MLF1: variants seen among roughly 807,000 people sequenced by gnomAD.
The protein encoded by MLF1 is myelodysplasia-myeloid leukemia factor 1.
MLF1 carries 37 observed loss-of-function variants against 38.3 expected under a neutral mutation model. The ratio of observed to expected loss-of-function variants is 0.96; its 90% CI spans 0.74 to 1.27. MLF1 has a LOEUF of 1.27. Ranked by LOEUF, MLF1 falls within the 50% of genes most tolerant of loss-of-function variation. MLF1 has a pLI of 0.00. For missense variants in MLF1, 331 were observed against 349.2 expected (o/e 0.95, Z 0.42); for synonymous variants, 95 against 106.5 (o/e 0.89, Z 0.66).
intron 1 of MLF1, chr3:158,590,785 A>G (rs771600048): frequency 2.2e-6 from 1 of 456,410 alleles, no homozygotes; most frequent in South Asian, 1.6e-5. Context: ...GAAATGTTCT[A>G]CATCTTAATT....
At chr3:158,577,704 G>C (rs1449693947) in intron 1 of MLF1, among the ~76,000 whole-genome samples, 1 of 152,104 alleles carries the variant, frequency 6.6e-6, no homozygotes, top group Non-Finnish European at 1.5e-5. Flanking sequence ...TGGTTCATGA[G>C]GTAAACACCA....
chr3:158,571,273 G>A lies in MLF1; in HGVS notation c.-28G>A. The A allele has an allele frequency of 6.3e-7, 1 of 1,582,332 alleles. No individual in the cohort carries two copies. Among genetic ancestry groups the A allele is most frequent in the Non-Finnish European group, 8.7e-7 (1 of 1,152,904 alleles). ...AACATCGTTTTTCCAATCTGTCCGC[G>A]GCTGCCGCCACCCAAGACAGAGCCA... On this transcript the variant is annotated 5_prime_UTR_variant, in exon 1 of 8. Transcript: ENST00000466246.
intron 1 of MLF1, chr3:158,591,284 G>A (rs536979955): frequency 2.8e-5 from 11 of 395,510 alleles, no homozygotes; most frequent in Admixed American, 1.6e-4. Context: ...CTCAGCCTCC[G>A]GAGTAGCTGG....
rs1218910065 is a variant in MLF1 at position 158,592,556 on chromosome 3, A to G, written c.170A>G (p.His57Arg). Residue 57 changes from histidine to arginine, a missense_variant, in exon 2 of 8, where the codon CAT becomes CGT. Physicochemically the swap from His to Arg is conservative, Grantham distance 29. Coordinates refer to ENST00000466246, the MANE Select transcript of MLF1 (RefSeq NM_001369783.1). Reference protein sequence around the residue: ...GRGRAHNRRGHNDGEDSLTAT... With the variant: ...GRGRAHNRRGRNDGEDSLTAT... ...GGGAGAGCTCATAATCGTAGAGGAC[A>G]TAATGATGGTGAAGATTCTTTGACT... The G allele has an allele frequency of 5.0e-6, 8 of 1,610,506 alleles. No homozygotes were observed. In the South Asian group the frequency reaches 7.7e-5, roughly 16 times the overall value.
chr3:158,598,073 C>T lies in MLF1; in HGVS notation c.325-7C>T, dbSNP rs576442778. On this transcript the variant is annotated splice_polypyrimidine_tract_variant and splice_region_variant and intron_variant, in intron 4 of 7. Transcript: ENST00000466246. ...CTCGACTGAATTTACAATTTGTTTACCTGTAGGGTCAACTTTCAGTGGATC... is the reference window on the plus strand; with the variant it reads ...CTCGACTGAATTTACAATTTGTTTATCTGTAGGGTCAACTTTCAGTGGATC... 4 of 1,611,924 alleles carry T rather than the reference C, an allele frequency of 2.5e-6. No homozygotes were observed. Among genetic ancestry groups the T allele is most frequent in the African/African-American group, 1.3e-5 (1 of 74,878 alleles).
At chr3:158,577,485 G>A (rs1436128819) in intron 1 of MLF1, among the ~76,000 whole-genome samples, 1 of 152,120 alleles carries the variant, frequency 6.6e-6, no homozygotes, top group Non-Finnish European at 1.5e-5. Flanking sequence ...TAAAATTTAA[G>A]TTACTTATTT....
At chr3:158,578,614 C>T (rs1715847775) in intron 1 of MLF1, among the ~76,000 whole-genome samples, 1 of 151,814 alleles carries the variant, frequency 6.6e-6, no homozygotes, top group African/African-American at 2.4e-5. Flanking sequence ...GGGAAGTAGG[C>T]AACAATTTAT....
At chr3:158,577,670 A>G (rs1004510078) in intron 1 of MLF1, among the ~76,000 whole-genome samples, 4 of 152,228 alleles carry the variant, frequency 2.6e-5, no homozygotes, top group African/African-American at 9.6e-5. Context: ...TTTCTAAGGT[A>G]TACTATTCAT....
chr3:158,598,240 A>T (rs753387165), intron 5 of MLF1, 32 bp downstream of exon 5: 1 of 1,601,838 alleles, frequency 6.2e-7, no homozygotes, highest in African/African-American at 1.4e-5. Context: ...CTAAAGTTTT[A>T]TAAAGTTAGG....
chr3:158,571,458 C>G (rs1178923329), intron 1 of MLF1, 111 bp downstream of exon 1: 3 of 1,349,604 alleles, frequency 2.2e-6, no homozygotes, highest in East Asian at 2.4e-5. Flanking sequence ...TTCGGAGTAA[C>G]TCTGGAGGCG....
At chr3:158,576,961 G>A (rs1188117725) in intron 1 of MLF1, among the ~76,000 whole-genome samples, 1 of 151,952 alleles carries the variant, frequency 6.6e-6, no homozygotes, top group Admixed American at 6.6e-5. Context: ...ATGAGCCACC[G>A]CACCCAGCCA....
chr3:158,571,217 A>G lies in MLF1; in HGVS notation c.-84A>G. ...GCGAGTGAGGCGTCGTCCGTACTGGAGGCTAGCTCTTGTCGCGGCCGCGGC... is the reference window on the plus strand; with the variant it reads ...GCGAGTGAGGCGTCGTCCGTACTGGGGGCTAGCTCTTGTCGCGGCCGCGGC... On this transcript the variant is annotated 5_prime_UTR_variant, in exon 1 of 8. Transcript: ENST00000466246. The G allele has an allele frequency of 1.8e-6, 2 of 1,118,518 alleles. No homozygotes were observed. The highest frequency in any genetic ancestry group is 1.8e-5 in the Admixed American group (1 of 56,332). The allele number at this position is 1,118,518 out of a possible 1,614,324, so 69.3% of individuals were successfully genotyped here.
chr3:158,586,139 G>T (rs1387496741), intron 1 of MLF1, among the ~76,000 whole-genome samples: 2 of 150,798 alleles, frequency 1.3e-5, no homozygotes, highest in Non-Finnish European at 2.9e-5. Flanking sequence ...ACTCCAGCCT[G>T]GGCAGCAAGA....
At chr3:158,580,191 T>C (rs909366581) in intron 1 of MLF1, among the ~76,000 whole-genome samples, 10 of 151,992 alleles carry the variant, frequency 6.6e-5, no homozygotes, top group African/African-American at 2.4e-4. Context: ...CATACTGGAC[T>C]TAATACCTAG....
intron 1 of MLF1, chr3:158,582,895 A>C (rs1716632966): frequency 1.4e-6 from 1 of 690,972 alleles, no homozygotes; most frequent in Admixed American, 2.1e-5. Flanking sequence ...TCTGATGTAC[A>C]TTAAAAAAGC....
intron 1 of MLF1, among the ~76,000 whole-genome samples, chr3:158,585,056 G>T (rs28402669): frequency 3.7e-5 from 5 of 133,434 alleles, no homozygotes; most frequent in African/African-American, 1.4e-4. Context: ...AAAAAAAAAA[G>T]AAAAAGAAAA....
At chr3:158,585,243 C>CA (rs1398090830) in intron 1 of MLF1, among the ~76,000 whole-genome samples, 1 of 151,912 alleles carries the variant, frequency 6.6e-6, no homozygotes, top group African/African-American at 2.4e-5. Flanking sequence ...AGTGAGTTCT[C>CA]ACTTTATTGG....
chr3:158,582,373 A>C (rs1469757127), intron 1 of MLF1, among the ~76,000 whole-genome samples: 1 of 152,176 alleles, frequency 6.6e-6, no homozygotes, highest in Non-Finnish European at 1.5e-5. Flanking sequence ...CAACTACGAA[A>C]GATATAACCT....
chr3:158,574,920 A>G (rs910429426), intron 1 of MLF1, among the ~76,000 whole-genome samples: 9 of 152,150 alleles, frequency 5.9e-5, no homozygotes, highest in Non-Finnish European at 1.3e-4. Context: ...GATTATACCA[A>G]AAGTTGTTTT....
Sources: allele counts gnomAD v4.1 joint callset (sites outside exome capture counted in the v4.1 genomes callset), GRCh38; gene constraint gnomAD v4.1.1; transcripts MANE v1.5; gene names NCBI Gene and HGNC (gene_info 2026-07-23, HGNC 2026-07-21).